Variants in GAREM1 observed in about 807,000 individuals in gnomAD.
The protein encoded by GAREM1 is GRB2 associated regulator of MAPK1 subtype 1, also known as GRB2-associated and regulator of MAPK protein 1.
GAREM1 carries 26 observed loss-of-function variants against 71.3 expected under a neutral mutation model. That is an observed-to-expected ratio of 0.36 (90% CI 0.27 to 0.51). GAREM1 has a LOEUF of 0.51. Ranked by LOEUF, GAREM1 falls within the 20% of genes least tolerant of loss-of-function variation. The pLI is 0.95. For missense variants in GAREM1, 1,026 were observed against 1,103.1 expected (o/e 0.93, Z 0.99); for synonymous variants, 440 against 433.2 (o/e 1.02, Z -0.20).
At chr18:32,443,369 A>G (rs546065273) in intron 1 of GAREM1, among the ~76,000 whole-genome samples, 13 of 152,178 alleles carry the variant, frequency 8.5e-5, no homozygotes, top group Admixed American at 8.5e-4. Flanking sequence ...ATAGTAGAAG[A>G]AAGTATTTAC....
chr18:32,295,068 TG>T (rs768440577), intron 3 of GAREM1, among the ~76,000 whole-genome samples: 48 of 152,110 alleles, frequency 3.2e-4, no homozygotes, highest in Non-Finnish European at 6.0e-4. Context: ...TTGTTGTTGT[TG>T]TTGTTTTGTT....
chr18:32,446,249 T>TGTGTGTGCGCGC (rs141510183), intron 1 of GAREM1, among the ~76,000 whole-genome samples: 4 of 151,860 alleles, frequency 2.6e-5, no homozygotes, highest in African/African-American at 4.8e-5. Context: ...TGTGTGTGTG[T>TGTGTGTGCGCGC]GTGTATAACA....
At chr18:32,270,121 C>T (rs2041435693) in intron 5 of GAREM1, 96 bp downstream of exon 5, 1 of 1,268,862 alleles carries the variant, frequency 7.9e-7, no homozygotes, top group Admixed American at 2.2e-5. Context: ...CTCCCACCAC[C>T]CTGCCTGTTA....
At chr18:32,339,992 C>T (rs984609229) in intron 2 of GAREM1, among the ~76,000 whole-genome samples, 2 of 152,186 alleles carry the variant, frequency 1.3e-5, no homozygotes, top group African/African-American at 2.4e-5. Context: ...TAATCATGGC[C>T]TTGGCTAAAA....
intron 3 of GAREM1, among the ~76,000 whole-genome samples, chr18:32,299,513 CAAAAAAAAAAA>C (rs57549959): frequency 4.3e-5 from 3 of 69,332 alleles, no homozygotes; most frequent in Non-Finnish European, 5.9e-5. Flanking sequence ...GACCCCATCT[CAAAAAAAAAAA>C]AAAAAAAAAA....
chr18:32,343,697 T>G (rs2047669216), intron 2 of GAREM1, among the ~76,000 whole-genome samples: 2 of 152,210 alleles, frequency 1.3e-5, no homozygotes, highest in South Asian at 4.1e-4. Flanking sequence ...TTATGAAATA[T>G]TAATATCTTA....
chr18:32,392,668 T>C (rs900434723), intron 2 of GAREM1, among the ~76,000 whole-genome samples: 5 of 152,218 alleles, frequency 3.3e-5, no homozygotes, highest in South Asian at 2.1e-4. Flanking sequence ...TTGTAAAATT[T>C]CTATCTTATA....
intron 2 of GAREM1, among the ~76,000 whole-genome samples, chr18:32,374,094 T>C (rs2048011404): frequency 6.6e-6 from 1 of 152,198 alleles, no homozygotes; most frequent in African/African-American, 2.4e-5. Flanking sequence ...CCAAAGACCA[T>C]GAACCCAGCA....
intron 2 of GAREM1, among the ~76,000 whole-genome samples, chr18:32,392,455 G>A (rs2048212386): frequency 6.6e-6 from 1 of 152,090 alleles, no homozygotes; most frequent in Non-Finnish European, 1.5e-5. Flanking sequence ...GACATATCCA[G>A]GTATATGAAC....
At chr18:32,375,857 G>A (rs1212251621) in intron 2 of GAREM1, among the ~76,000 whole-genome samples, 1 of 152,214 alleles carries the variant, frequency 6.6e-6, no homozygotes, top group South Asian at 2.1e-4. Context: ...TTGGGGCAGC[G>A]GTCTTCATAA....
chr18:32,402,593 T>C (rs552919888), intron 1 of GAREM1, among the ~76,000 whole-genome samples: 1 of 152,248 alleles, frequency 6.6e-6, no homozygotes, highest in South Asian at 2.1e-4. Context: ...GCCATAACTG[T>C]AGGAGCTATC....
chr18:32,447,502 G>A (rs1009438001), intron 1 of GAREM1, among the ~76,000 whole-genome samples: 1 of 152,048 alleles, frequency 6.6e-6, no homozygotes, highest in Non-Finnish European at 1.5e-5. Context: ...GCTTTTAAAA[G>A]AAGATATATA....
intron 1 of GAREM1, among the ~76,000 whole-genome samples, chr18:32,469,669 G>A (rs2049030915): frequency 6.6e-6 from 1 of 152,142 alleles, no homozygotes; most frequent in African/African-American, 2.4e-5. Context: ...ATACGTTTTG[G>A]AGACTTATTT....
Position 32,412,766 on chromosome 18 carries a change from C to T in GAREM1, c.122-19731G>A. On this transcript the variant is annotated intron_variant, in intron 1 of 5. Coordinates refer to ENST00000269209, the MANE Select transcript of GAREM1 (RefSeq NM_001242409.2). ...TTTTCTTGCCACTGCCTCGGTCAGT[C>T]ATGATTTCAATCACTTCAATTTTTC... 2.3e-6 allele frequency: 3 copies of T among 1,293,772 alleles called. No homozygotes were observed. The Admixed American group carries it at 5.1e-5, about 22-fold the overall frequency. 80.1% of individuals were successfully genotyped at this position (1,293,772 alleles called of 1,614,324 possible).
chr18:32,316,565 C>T (rs781436833), intron 2 of GAREM1, among the ~76,000 whole-genome samples: 1 of 152,166 alleles, frequency 6.6e-6, no homozygotes, highest in African/African-American at 2.4e-5. Context: ...TTACCTCAGC[C>T]TCCCAAGTAG....
intron 2 of GAREM1, among the ~76,000 whole-genome samples, chr18:32,322,952 GCTTT>G (rs2047443816): frequency 6.6e-6 from 1 of 152,160 alleles, no homozygotes; most frequent in Admixed American, 6.5e-5. Context: ...CTGAATAAAT[GCTTT>G]CTTTGAAGAG....
chr18:32,456,184 C>A (rs1420521218), intron 1 of GAREM1, among the ~76,000 whole-genome samples: 1 of 151,834 alleles, frequency 6.6e-6, no homozygotes, highest in Non-Finnish European at 1.5e-5. Flanking sequence ...GTCAATTGAT[C>A]GGAAAAATGT....
intron 1 of GAREM1, among the ~76,000 whole-genome samples, chr18:32,456,393 T>G (rs2048889536): frequency 6.6e-6 from 1 of 152,064 alleles, no homozygotes; most frequent in Non-Finnish European, 1.5e-5. Context: ...AATAAGAGCT[T>G]TATATCGATT....
intron 2 of GAREM1, among the ~76,000 whole-genome samples, chr18:32,315,816 G>A (rs2047373152): frequency 6.6e-6 from 1 of 152,122 alleles, no homozygotes; most frequent in Non-Finnish European, 1.5e-5. Flanking sequence ...TTCTTCTGAT[G>A]AAATAAGAAG....
Sources: gnomAD v4.1 joint callset for allele counts (sites outside exome capture counted in the v4.1 genomes callset) on GRCh38, gnomAD v4.1.1 for gene constraint, MANE v1.5 for transcripts, NCBI Gene and HGNC (gene_info 2026-07-23, HGNC 2026-07-21) for gene names.